ZNF335: variants seen among roughly 807,000 people sequenced by gnomAD.
ZNF335 encodes NRC-interacting factor 1.
In ZNF335, 84 loss-of-function variants were observed where a neutral mutation model predicts 145.6. The ratio of observed to expected loss-of-function variants is 0.58; its 90% CI spans 0.48 to 0.69. The LOEUF is 0.69. Ranked by LOEUF, ZNF335 falls within the 30% of genes least tolerant of loss-of-function variation. ZNF335 has a pLI of 0.00. For missense variants in ZNF335, 1,865 were observed against 1,809.7 expected (o/e 1.03, Z -0.55); for synonymous variants, 761 against 717.0 (o/e 1.06, Z -0.98).
chr20:45,967,615 T>G lies in ZNF335; in HGVS notation c.834A>C (p.Ala278=). 1 of 1,614,044 alleles carries G rather than the reference T, an allele frequency of 6.2e-7. No individual in the cohort carries two copies. Among genetic ancestry groups the G allele is most frequent in the Non-Finnish European group, 8.5e-7 (1 of 1,179,976 alleles). Residue 278 remains alanine (A), a synonymous_variant, in exon 6 of 28, where the codon GCA becomes GCC. Coordinates refer to ENST00000322927, the MANE Select transcript of ZNF335 (RefSeq NM_022095.4). The part of the protein sequence containing the change: ...HFRPVAAAAA[A]AGKKGRLRKW... ...TCCGTAGACGTCCTTTTTTACCAGC[T>G]GCTGCTGCGGCTGCTGCTACTGGAA...
Position 45,953,899 on chromosome 20 carries a change from C to T in ZNF335, c.2492G>A (p.Gly831Asp), listed in dbSNP as rs749744287. The T allele has an allele frequency of 6.2e-6, 10 of 1,612,258 alleles. No individual in the cohort carries two copies. The highest frequency in any genetic ancestry group is 1.7e-5 in the Admixed American group (1 of 59,662). The stretch of plus-strand genomic sequence containing the variant: ...GGCACCTTCAGGGGAGGGCTGCCCA[C>T]CAGGGGATGCTAACCCTGCTTCCAC... ...EDVEAGLASP[G>D]GQPSPEGATP... The change falls in exon 18 of 28, where the codon GGT becomes GAT. Residue 831 changes from glycine to aspartate, a missense_variant. Transcript: ENST00000322927.
chr20:45,971,818 G>A, intron 1 of ZNF335: 2 of 985,350 alleles, frequency 2.0e-6, no homozygotes, highest in Non-Finnish European at 1.2e-6. Flanking sequence ...ACAGCCCGCT[G>A]GCCCCCTGGG....
rs1568804352 is a variant in ZNF335, at chr20:45,950,308, G to A, written c.3398C>T (p.Ser1133Leu). The change falls in exon 22 of 28, where the codon TCA (serine) becomes TTA (leucine). Residue 1133 changes from serine (S) to leucine (L), a missense_variant. Physicochemically the swap from Ser to Leu is moderately radical, Grantham distance 145 (BLOSUM62 -2). Transcript: ENST00000322927. ...QRLHSPDGRK[S>L]GTPTARAPTQ... ...AGGGGCCCGGGCTGTAGGGGTTCCT[G>A]ACTTCCTCCCATCAGGACTGTGCAG... 6.4e-7 allele frequency: 1 copy of A among 1,567,192 alleles called. No individual in the cohort carries two copies. The highest frequency in any genetic ancestry group is 8.7e-7 in the Non-Finnish European group (1 of 1,154,718).
intron 17 of ZNF335, among the ~76,000 whole-genome samples, chr20:45,955,558 C>A (rs973105442): frequency 1.3e-5 from 2 of 151,944 alleles, no homozygotes; most frequent in African/African-American, 4.8e-5. Context: ...GTGGCTCACA[C>A]CTGTAATCCT....
intron 17 of ZNF335, among the ~76,000 whole-genome samples, chr20:45,956,785 T>G (rs1207690244): frequency 2.0e-5 from 3 of 152,094 alleles, no homozygotes; most frequent in Non-Finnish European, 4.4e-5. Context: ...TGGAGTAAGA[T>G]TTAAGTGTAA....
chr20:45,967,038 G>A (rs1445876854), intron 6 of ZNF335: 1 of 183,248 alleles, frequency 5.5e-6, no homozygotes, highest in African/African-American at 2.4e-5. Context: ...TCATAGAGAT[G>A]GGGTTTTGCC....
In ZNF335 at chr20:45,963,468, C is replaced by A. The variant is rs761823303; in HGVS notation, c.1533+5G>T. 1.2e-6 allele frequency: 2 copies of A among 1,609,166 alleles called. No individual in the cohort carries two copies. Among genetic ancestry groups the A allele is most frequent in the South Asian group, 1.1e-5 (1 of 90,882 alleles). ...ATGAGCCCCAAGCCTCTTTGGCTCC[C>A]GCACCTTGAGCGAGGACCAGCGGCG... On this transcript the variant is annotated splice_donor_5th_base_variant and intron_variant, in intron 9 of 27. Coordinates refer to ENST00000322927, the MANE Select transcript of ZNF335 (RefSeq NM_022095.4).
chr20:45,955,096 A>G (rs1189100545), intron 17 of ZNF335, among the ~76,000 whole-genome samples: 6 of 152,100 alleles, frequency 3.9e-5, no homozygotes, highest in Non-Finnish European at 8.8e-5. Context: ...CACGCCTGTA[A>G]TTCCAGCACT....
intron 10 of ZNF335, among the ~76,000 whole-genome samples, chr20:45,961,101 ATTCT>A (rs1054571191): frequency 2.0e-5 from 3 of 152,230 alleles, no homozygotes; most frequent in Non-Finnish European, 2.9e-5. Flanking sequence ...GAAATGGTAC[ATTCT>A]TTCTGTCTGT....
intron 7 of ZNF335, among the ~76,000 whole-genome samples, chr20:45,965,379 A>G (rs2083932061): frequency 6.6e-6 from 1 of 152,112 alleles, no homozygotes; most frequent in African/African-American, 2.4e-5. Context: ...TAAAGTCCCA[A>G]ATTTCTCTTT....
intron 7 of ZNF335, 65 bp downstream of exon 7, chr20:45,965,563 G>T: frequency 6.5e-7 from 1 of 1,538,762 alleles, no homozygotes; most frequent in Non-Finnish European, 8.7e-7. Context: ...ACTCCACAGA[G>T]ACAAGCAGGG....
Position 45,957,945 on chromosome 20 carries a change from TGG to T in ZNF335, c.2254-19_2254-18del. Reference sequence around the variant, plus strand: ...TGGGGGTATCTATGGGGTGGAGATATGGCCACGCCTGAGAGGGGCCAGCCCAG... The same window carrying T: ...TGGGGGTATCTATGGGGTGGAGATATCCACGCCTGAGAGGGGCCAGCCCAG... On this transcript the variant is annotated intron_variant, in intron 15 of 27. Transcript: ENST00000322927. 6.2e-7 allele frequency: 1 copy of T among 1,610,716 alleles called. No individual in the cohort carries two copies. Among genetic ancestry groups the T allele is most frequent in the Non-Finnish European group, 8.5e-7 (1 of 1,177,072 alleles).
Position 45,960,863 on chromosome 20 carries a change from C to G in ZNF335, c.1665+1G>C. On this transcript the variant is annotated splice_donor_variant, in intron 11 of 27. Transcript: ENST00000322927. LOFTEE classifies it high-confidence loss of function. ...TTCCCAGGCCAGCACGCCAGACTCA[C>G]CGGATCTGGCCTCTTCTTCCTGTGG... 1 of 1,613,956 alleles carries G rather than the reference C, an allele frequency of 6.2e-7. No homozygotes were observed. The highest frequency in any genetic ancestry group is 8.5e-7 in the Non-Finnish European group (1 of 1,179,960).
chr20:45,963,204 T>C (rs148662686), intron 9 of ZNF335, among the ~76,000 whole-genome samples: 3 of 152,300 alleles, frequency 2.0e-5, no homozygotes, highest in Non-Finnish European at 2.9e-5. Flanking sequence ...TTATGGCGTC[T>C]GTGGTGGTGA....
chr20:45,971,617 G>A (rs1336420142), intron 1 of ZNF335, 157 bp from the exon 2 acceptor site: 18 of 985,348 alleles, frequency 1.8e-5, no homozygotes, highest in Non-Finnish European at 2.0e-5. Context: ...GGGAGCTCGG[G>A]AAAAACTTGA....
chr20:45,963,593 A>C lies in ZNF335; in HGVS notation c.1413T>G (p.Gly471=). Residue 471 remains glycine (G), a synonymous_variant, in exon 9 of 28, where the codon GGT becomes GGG. Coordinates refer to ENST00000322927, the MANE Select transcript of ZNF335 (RefSeq NM_022095.4). Reference sequence around the variant, plus strand: ...GGTCCTCGTGGGACAGAAAGCGAGAACCACAGATGCGGCACAGGAAGGGCC... The same window carrying C: ...GGTCCTCGTGGGACAGAAAGCGAGACCCACAGATGCGGCACAGGAAGGGCC... The part of the protein sequence containing the change: ...LLRPFLCRIC[G]SRFLSHEDLR... 1 of 1,614,196 alleles carries C rather than the reference A, an allele frequency of 6.2e-7. No homozygotes were observed.
At chr20:45,954,024 C>G in intron 17 of ZNF335, 76 bp from the exon 18 acceptor site, 1 of 1,485,058 alleles carries the variant, frequency 6.7e-7, no homozygotes, top group South Asian at 1.3e-5. Flanking sequence ...TCCCCCATCT[C>G]AGTGTCCCAG....
chr20:45,956,989 T>C (rs969401680), intron 17 of ZNF335, among the ~76,000 whole-genome samples: 1 of 152,118 alleles, frequency 6.6e-6, no homozygotes, highest in Admixed American at 6.5e-5. Flanking sequence ...GAATTCATCA[T>C]CTTAAAAACA....
intron 6 of ZNF335, chr20:45,966,875 T>TC: frequency 6.6e-6 from 1 of 150,932 alleles, no homozygotes; most frequent in South Asian, 2.1e-4. Context: ...TTTTTTTTTC[T>TC]TTTTTTTGAG....
Sources: allele counts gnomAD v4.1 joint callset (sites outside exome capture counted in the v4.1 genomes callset), GRCh38; gene constraint gnomAD v4.1.1; transcripts MANE v1.5; gene names NCBI Gene and HGNC (gene_info 2026-07-23, HGNC 2026-07-21).